The following CADM2 variants were observed in gnomAD, a reference collection of about 807,000 sequenced individuals.
The protein encoded by CADM2 is immunoglobulin superfamily member 4D.
In CADM2, 12 loss-of-function variants were observed where a neutral mutation model predicts 49.8. That is an observed-to-expected ratio of 0.24 (90% CI 0.15 to 0.39). CADM2 has a LOEUF of 0.39. Among genes scored for constraint, CADM2 ranks in the 10% least tolerant of loss-of-function variants. The pLI is 1.00. For synonymous variants in CADM2, 214 were observed against 175.4 expected (o/e 1.22, Z -1.74); for missense variants, 378 against 492.3 (o/e 0.77, Z 2.20).
chr3:85,229,710 G>A (rs1334021317), intron 1 of CADM2, among the ~76,000 whole-genome samples: 1 of 152,178 alleles, frequency 6.6e-6, no homozygotes, highest in African/African-American at 2.4e-5. Context: ...CTGAAGATGG[G>A]CAGGTAATTG....
At chr3:85,629,366 G>A (rs1175849615) in intron 1 of CADM2, among the ~76,000 whole-genome samples, 1 of 151,644 alleles carries the variant, frequency 6.6e-6, no homozygotes, top group Non-Finnish European at 1.5e-5. Flanking sequence ...ATTAAAACCT[G>A]GCAAAACCTG....
At chr3:85,173,986 C>G (rs988837445) in intron 1 of CADM2, among the ~76,000 whole-genome samples, 7 of 152,046 alleles carry the variant, frequency 4.6e-5, no homozygotes, top group African/African-American at 1.7e-4. Flanking sequence ...AGGAGGTAAT[C>G]TATTCTAACC....
At chr3:84,971,191 A>G (rs555711835) in intron 1 of CADM2, among the ~76,000 whole-genome samples, 1 of 152,214 alleles carries the variant, frequency 6.6e-6, no homozygotes, top group African/African-American at 2.4e-5. Flanking sequence ...TTTCAGACCA[A>G]CATTCTTGTC....
intron 1 of CADM2, among the ~76,000 whole-genome samples, chr3:84,970,503 A>G (rs942857370): frequency 3.3e-5 from 5 of 151,788 alleles, no homozygotes; most frequent in Non-Finnish European, 4.4e-5. Context: ...TTAAAAATCA[A>G]TTTCCCTGAT....
intron 8 of CADM2, among the ~76,000 whole-genome samples, chr3:86,004,158 AAAC>A (rs1730503299): frequency 6.6e-6 from 1 of 151,896 alleles, no homozygotes; most frequent in African/African-American, 2.4e-5. Context: ...AAACAAAACA[AAAC>A]AAAAAACGAA....
chr3:85,165,835 C>T (rs1164234002), intron 1 of CADM2, among the ~76,000 whole-genome samples: 1 of 151,658 alleles, frequency 6.6e-6, no homozygotes, highest in Admixed American at 6.6e-5. Context: ...AATTATAGTT[C>T]TCTGAATCTA....
At chr3:85,755,313 T>G (rs1183060681) in intron 2 of CADM2, among the ~76,000 whole-genome samples, 1 of 152,198 alleles carries the variant, frequency 6.6e-6, no homozygotes, top group African/African-American at 2.4e-5. Context: ...ATTATATTTT[T>G]ATTATAAAGA....
intron 8 of CADM2, among the ~76,000 whole-genome samples, chr3:86,051,560 T>C (rs1442877637): frequency 6.6e-6 from 1 of 152,150 alleles, no homozygotes; most frequent in African/African-American, 2.4e-5. Flanking sequence ...GTTATAGCAT[T>C]GCTATAAATA....
At chr3:85,109,183 A>C (rs533415199) in intron 1 of CADM2, among the ~76,000 whole-genome samples, 4 of 152,226 alleles carry the variant, frequency 2.6e-5, no homozygotes, top group Non-Finnish European at 5.9e-5. Context: ...GTATGCAAAC[A>C]AATAATTCAT....
In CADM2 at chr3:86,029,998, A is replaced by T. The variant is rs75034197; in HGVS notation, c.971-35607A>T. Among the ~76,000 whole-genome samples the T allele has an allele frequency of 6.7e-3, 1,018 of 152,126 alleles. 12 individuals are homozygous for T. The highest frequency in any genetic ancestry group is 0.023 in the African/African-American group (966 of 41,548). On this transcript the variant is annotated intron_variant, in intron 8 of 9. Coordinates refer to ENST00000383699, the MANE Select transcript of CADM2 (RefSeq NM_001167675.2). Reference sequence around the variant, plus strand: ...AAACAAACACAAACAATTTAATCTGAATGATCAAAAGTGATTTCAAGTAAG... The same window carrying T: ...AAACAAACACAAACAATTTAATCTGTATGATCAAAAGTGATTTCAAGTAAG...
intron 1 of CADM2, among the ~76,000 whole-genome samples, chr3:85,073,716 T>C (rs1312382603): frequency 6.6e-6 from 1 of 152,136 alleles, no homozygotes; most frequent in African/African-American, 2.4e-5. Context: ...ATCCAATATA[T>C]GATCGTTTCA....
At chr3:85,533,258 T>TAAAGG (rs2061357345) in intron 1 of CADM2, among the ~76,000 whole-genome samples, 1 of 152,178 alleles carries the variant, frequency 6.6e-6, no homozygotes, top group African/African-American at 2.4e-5. Flanking sequence ...ATTTCCTTTA[T>TAAAGG]AAGCAAATTA....
chr3:85,677,642 T>A (rs543738772), intron 1 of CADM2, among the ~76,000 whole-genome samples: 1 of 152,228 alleles, frequency 6.6e-6, no homozygotes, highest in Non-Finnish European at 1.5e-5. Context: ...AATTCAAAAA[T>A]GCAAAATGTA....
intron 1 of CADM2, among the ~76,000 whole-genome samples, chr3:85,614,757 AC>A (rs2063758695): frequency 6.6e-6 from 1 of 151,852 alleles, no homozygotes; most frequent in East Asian, 1.9e-4. Context: ...GACAGTGTTG[AC>A]TCTATGAGCC....
chr3:85,256,965 G>A (rs890361709), intron 1 of CADM2, among the ~76,000 whole-genome samples: 1 of 151,956 alleles, frequency 6.6e-6, no homozygotes, highest in African/African-American at 2.4e-5. Flanking sequence ...ATTTATAGAG[G>A]TTTCATCATA....
At chr3:85,799,097 C>G (rs1469703655) in intron 2 of CADM2, among the ~76,000 whole-genome samples, 1 of 151,902 alleles carries the variant, frequency 6.6e-6, no homozygotes, top group Non-Finnish European at 1.5e-5. Flanking sequence ...GTAGGAATGC[C>G]TGTGATTTTT....
rs571323033 is a variant in CADM2, at chr3:85,091,614, A to T, written c.61+131946A>T. Among the ~76,000 whole-genome samples the T allele has an allele frequency of 2.0e-5, 3 of 152,286 alleles. No individual in the cohort carries two copies. The East Asian group carries it at 5.8e-4, about 29-fold the overall frequency. On this transcript the variant is annotated intron_variant, in intron 1 of 9. Coordinates refer to ENST00000383699, the MANE Select transcript of CADM2 (RefSeq NM_001167675.2). The stretch of plus-strand genomic sequence containing the variant: ...GTATACTGAAAATAAACTTATTAAA[A>T]CTGAGCTGAACTAAGTTTCTTAAAT...
At chr3:85,781,923 ACT>A (rs1242253586) in intron 2 of CADM2, among the ~76,000 whole-genome samples, 2 of 152,228 alleles carry the variant, frequency 1.3e-5, no homozygotes, top group East Asian at 3.9e-4. Flanking sequence ...AAACACACCT[ACT>A]GTAAATGTTA....
chr3:85,553,832 C>A (rs2061878001), intron 1 of CADM2, among the ~76,000 whole-genome samples: 1 of 152,098 alleles, frequency 6.6e-6, no homozygotes, highest in Non-Finnish European at 1.5e-5. Flanking sequence ...CCTCCAGGAA[C>A]AAAGATCCCA....
Sources: allele counts gnomAD v4.1 joint callset (sites outside exome capture counted in the v4.1 genomes callset), GRCh38; gene constraint gnomAD v4.1.1; transcripts MANE v1.5; gene names NCBI Gene and HGNC (gene_info 2026-07-23, HGNC 2026-07-21).